Variants in COL19A1 observed in about 807,000 individuals in gnomAD.
COL19A1 encodes the protein collagen alpha-1(XIX) chain.
COL19A1 carries 159 observed loss-of-function variants against 190.2 expected under a neutral mutation model. The observed-to-expected ratio is 0.84, with a 90% CI of 0.73 to 0.95. The LOEUF is 0.95. Ranked by LOEUF, COL19A1 falls within the 40% of genes least tolerant of loss-of-function variation. The pLI is 0.00. For missense variants in COL19A1, 1,418 were observed against 1,431.9 expected (o/e 0.99, Z 0.16); for synonymous variants, 509 against 458.9 (o/e 1.11, Z -1.39).
At chr6:70,143,052 T>A (rs936039400) in intron 23 of COL19A1, among the ~76,000 whole-genome samples, 1 of 152,160 alleles carries the variant, frequency 6.6e-6, no homozygotes, top group African/African-American at 2.4e-5. Context: ...AATTGGTTTT[T>A]GGAGCTCAAG....
chr6:70,102,244 T>G, intron 16 of COL19A1, 22 bp downstream of exon 16: 1 of 1,556,160 alleles, frequency 6.4e-7, no homozygotes, highest in Non-Finnish European at 8.9e-7. Flanking sequence ...ATACAATGAC[T>G]GTCCCTTTAA....
At chr6:70,127,216 GA>G (rs771350204) in intron 17 of COL19A1, among the ~76,000 whole-genome samples, 2 of 152,208 alleles carry the variant, frequency 1.3e-5, no homozygotes, top group Non-Finnish European at 2.9e-5. Flanking sequence ...TGAGGAAGAA[GA>G]GTGACCAACA....
At chr6:69,912,957 G>A (rs1277655080) in intron 4 of COL19A1, among the ~76,000 whole-genome samples, 1 of 152,100 alleles carries the variant, frequency 6.6e-6, no homozygotes, top group Non-Finnish European at 1.5e-5. Flanking sequence ...GTATGGTGGT[G>A]TATGCCTGTA....
At chr6:69,935,035 A>G (rs985086722) in intron 7 of COL19A1, among the ~76,000 whole-genome samples, 9 of 152,014 alleles carry the variant, frequency 5.9e-5, no homozygotes, top group African/African-American at 1.9e-4. Flanking sequence ...CAAAGGCAAC[A>G]TTTTTTAAAG....
At chr6:69,977,503 T>C (rs1489734277) in intron 11 of COL19A1, among the ~76,000 whole-genome samples, 1 of 151,614 alleles carries the variant, frequency 6.6e-6, no homozygotes, top group East Asian at 1.9e-4. Flanking sequence ...CACACCAACA[T>C]GGCACATGTA....
At chr6:70,111,669 G>C (rs576092989) in intron 16 of COL19A1, among the ~76,000 whole-genome samples, 1 of 152,122 alleles carries the variant, frequency 6.6e-6, no homozygotes, top group Non-Finnish European at 1.5e-5. Flanking sequence ...TTTGTGGAAT[G>C]GGGCCACGTG....
chr6:69,903,711 G>A (rs961174242), intron 4 of COL19A1, among the ~76,000 whole-genome samples: 5 of 152,158 alleles, frequency 3.3e-5, no homozygotes, highest in Admixed American at 1.3e-4. Flanking sequence ...CAGGTGCTCC[G>A]TGCACTGCCA....
intron 6 of COL19A1, among the ~76,000 whole-genome samples, chr6:69,930,845 T>C (rs1339002214): frequency 6.6e-6 from 1 of 151,986 alleles, no homozygotes; most frequent in Non-Finnish European, 1.5e-5. Context: ...ATCCCACAAT[T>C]TGAGGCTAAA....
chr6:70,064,499 A>G (rs527907462), intron 14 of COL19A1, among the ~76,000 whole-genome samples: 159 of 152,306 alleles, frequency 1.0e-3, no homozygotes, highest in African/African-American at 3.6e-3. Context: ...CCCACAGCCA[A>G]TATCATACTG....
intron 12 of COL19A1, among the ~76,000 whole-genome samples, chr6:70,028,443 A>G (rs375208342): frequency 6.6e-6 from 1 of 152,148 alleles, no homozygotes; most frequent in Non-Finnish European, 1.5e-5. Context: ...CCTCAGAAGA[A>G]TAGACCAAGA....
chr6:69,922,494 T>G (rs1413040438), intron 4 of COL19A1, among the ~76,000 whole-genome samples: 2 of 147,518 alleles, frequency 1.4e-5, no homozygotes, highest in Admixed American at 6.8e-5. Context: ...TTTTTTTTTT[T>G]TTTTGATATG....
chr6:70,096,748 CA>C (rs768861108), intron 15 of COL19A1, among the ~76,000 whole-genome samples: 2 of 152,154 alleles, frequency 1.3e-5, no homozygotes, highest in Non-Finnish European at 2.9e-5. Context: ...TATGAAATAA[CA>C]GCTTTAGTTT....
rs528424984 is a variant in COL19A1 at position 69,892,483 on chromosome 6, CTT to C, written c.92-6463_92-6462del. Among the ~76,000 whole-genome samples the C allele has an allele frequency of 2.5e-3, 383 of 152,224 alleles. 1 individual carries two copies. The highest frequency in any genetic ancestry group is 0.01 in the Middle Eastern group (3 of 294). ...AGGACTGAGTGGTTTGCAAAATAGACTTTACTTTTATACTTGGCCTGATTATT... is the reference window on the plus strand; with the variant it reads ...AGGACTGAGTGGTTTGCAAAATAGACTACTTTTATACTTGGCCTGATTATT... On this transcript the variant is annotated intron_variant, in intron 2 of 50. Coordinates refer to ENST00000620364, the MANE Select transcript of COL19A1 (RefSeq NM_001858.6).
At chr6:69,921,832 G>A (rs1455984660) in intron 4 of COL19A1, among the ~76,000 whole-genome samples, 4 of 150,712 alleles carry the variant, frequency 2.7e-5, no homozygotes, top group Admixed American at 6.7e-5. Context: ...ATATATATTC[G>A]TATGTAGATT....
chr6:70,066,920 A>G (rs1255207567), intron 14 of COL19A1, among the ~76,000 whole-genome samples: 1 of 152,150 alleles, frequency 6.6e-6, no homozygotes, highest in East Asian at 1.9e-4. Flanking sequence ...AACTTTTTGA[A>G]AATTACTGCC....
chr6:69,989,440 T>C (rs1392700338), intron 11 of COL19A1, among the ~76,000 whole-genome samples: 1 of 152,124 alleles, frequency 6.6e-6, no homozygotes, highest in African/African-American at 2.4e-5. Flanking sequence ...TGTTCTAGAA[T>C]AACGTCCCTC....
intron 46 of COL19A1, among the ~76,000 whole-genome samples, chr6:70,187,268 TGG>T (rs1766586139): frequency 3.9e-5 from 6 of 152,188 alleles, no homozygotes; most frequent in Admixed American, 1.3e-4. Context: ...ATCTTTTCAA[TGG>T]TTCTCCCTTC....
chr6:70,082,962 C>A (rs1431831758), intron 15 of COL19A1, among the ~76,000 whole-genome samples: 1 of 152,166 alleles, frequency 6.6e-6, no homozygotes, highest in Admixed American at 6.5e-5. Context: ...ACTGATGTGA[C>A]AGGAGGCAGA....
chr6:69,970,841 G>A (rs753883758), intron 11 of COL19A1, among the ~76,000 whole-genome samples: 1 of 152,082 alleles, frequency 6.6e-6, no homozygotes, highest in Non-Finnish European at 1.5e-5. Context: ...GAGAACAGAT[G>A]GAGCAAAATA....
Sources: allele counts gnomAD v4.1 joint callset (sites outside exome capture counted in the v4.1 genomes callset), GRCh38; gene constraint gnomAD v4.1.1; transcripts MANE v1.5; gene names NCBI Gene and HGNC (gene_info 2026-07-23, HGNC 2026-07-21).